TGFBR2: variants seen among roughly 807,000 people sequenced by gnomAD.
The protein encoded by TGFBR2 is TGF-beta receptor type-2.
A neutral mutation model predicts 49.0 loss-of-function variants in TGFBR2; 18 were observed. The observed-to-expected ratio is 0.37, with a 90% CI of 0.25 to 0.54. The LOEUF is 0.54. Ranked by LOEUF, TGFBR2 falls within the 20% of genes least tolerant of loss-of-function variation. The pLI is 0.85. For missense variants in TGFBR2, 525 were observed against 722.6 expected, an observed-to-expected ratio of 0.73 and a Z score of 3.13; for synonymous variants, 282 against 275.9, an observed-to-expected ratio of 1.02 and a Z score of -0.22.
At chr3:30,679,888 G>A (rs993712090) in intron 5 of TGFBR2, among the ~76,000 whole-genome samples, 4 of 152,210 alleles carry the variant, frequency 2.6e-5, no homozygotes, top group Non-Finnish European at 5.9e-5. Flanking sequence ...AGCACTTTGG[G>A]ATGCTGAGGA....
At chr3:30,630,638 C>T (rs892078694) in intron 1 of TGFBR2, among the ~76,000 whole-genome samples, 10 of 152,308 alleles carry the variant, frequency 6.6e-5, no homozygotes, top group African/African-American at 1.2e-4. Flanking sequence ...GCTGATGTCT[C>T]CCCTCCAAAA....
At chr3:30,662,954 T>C (rs1350783) in intron 3 of TGFBR2, among the ~76,000 whole-genome samples, 76,129 of 151,650 alleles carry the variant, frequency 0.5, 19,562 homozygotes, top group African/African-American at 0.56. Flanking sequence ...CTTTTAAATG[T>C]AGATTCTGAT....
intron 1 of TGFBR2, among the ~76,000 whole-genome samples, chr3:30,610,740 C>A (rs1187822567): frequency 6.6e-6 from 1 of 152,180 alleles, no homozygotes; most frequent in Non-Finnish European, 1.5e-5. Flanking sequence ...ATGGTGCCTG[C>A]AACATAGTAA....
At chr3:30,679,448 A>T (rs1699497069) in intron 5 of TGFBR2, among the ~76,000 whole-genome samples, 1 of 152,192 alleles carries the variant, frequency 6.6e-6, no homozygotes, top group South Asian at 2.1e-4. Context: ...ATGATAATAG[A>T]GCTCTTCAAA....
chr3:30,682,436 T>A (rs1252966233), intron 5 of TGFBR2, among the ~76,000 whole-genome samples: 5 of 152,224 alleles, frequency 3.3e-5, no homozygotes, highest in East Asian at 1.9e-4. Context: ...CAATTTTTTT[T>A]AAAAAGGTGG....
chr3:30,635,497 G>C (rs1331267802), intron 1 of TGFBR2, among the ~76,000 whole-genome samples: 1 of 152,176 alleles, frequency 6.6e-6, no homozygotes, highest in Non-Finnish European at 1.5e-5. Context: ...GTGTTAAATA[G>C]GAAAGGATGC....
chr3:30,677,446 T>G (rs1314606851), intron 5 of TGFBR2, among the ~76,000 whole-genome samples: 1 of 152,196 alleles, frequency 6.6e-6, no homozygotes, highest in East Asian at 1.9e-4. Flanking sequence ...CCATCTTTGC[T>G]CGGGCTGCAG....
At chr3:30,678,508 A>G (rs1699479439) in intron 5 of TGFBR2, among the ~76,000 whole-genome samples, 1 of 138,092 alleles carries the variant, frequency 7.2e-6, no homozygotes, top group Non-Finnish European at 1.5e-5. Context: ...AGATCATGCC[A>G]CTGTTCTCCA....
chr3:30,665,919 G>T (rs1699234629), intron 3 of TGFBR2, among the ~76,000 whole-genome samples: 1 of 152,178 alleles, frequency 6.6e-6, no homozygotes, highest in African/African-American at 2.4e-5. Context: ...AAATGAATTT[G>T]TGTTATAGTA....
intron 1 of TGFBR2, among the ~76,000 whole-genome samples, chr3:30,628,504 A>G (rs1698376239): frequency 6.6e-6 from 1 of 150,570 alleles, no homozygotes; most frequent in African/African-American, 2.4e-5. Flanking sequence ...AAAAAAAAAA[A>G]AAAGCCTTTG....
At chr3:30,621,720 A>G (rs541532234) in intron 1 of TGFBR2, among the ~76,000 whole-genome samples, 23 of 152,332 alleles carry the variant, frequency 1.5e-4, no homozygotes, top group African/African-American at 5.5e-4. Context: ...TTTAATGATG[A>G]TGTTGGTGAG....
At chr3:30,685,776 T>G (rs966428086) in intron 5 of TGFBR2, among the ~76,000 whole-genome samples, 2 of 152,200 alleles carry the variant, frequency 1.3e-5, no homozygotes, top group Non-Finnish European at 2.9e-5. Flanking sequence ...GTGTGAGCCC[T>G]TATGAGCCAA....
chr3:30,627,620 C>G (rs1054397297), intron 1 of TGFBR2, among the ~76,000 whole-genome samples: 2 of 151,688 alleles, frequency 1.3e-5, no homozygotes, highest in Admixed American at 6.6e-5. Flanking sequence ...ATAGAACTTT[C>G]TGCAGAGATG....
In TGFBR2 at chr3:30,692,436, G is replaced by A. The variant is rs959297507; in HGVS notation, c.*837G>A. On this transcript the variant is annotated 3_prime_UTR_variant, in exon 7 of 7. Transcript: ENST00000295754. The stretch of plus-strand genomic sequence containing the variant: ...ACCTTCATGGGTTGCAGAAAAATCA[G>A]AACAGATGTCCCCATCCATGCGATT... 2 of 231,798 alleles carry A rather than the reference G, an allele frequency of 8.6e-6. No homozygotes were observed. The highest frequency in any genetic ancestry group is 6.0e-5 in the East Asian group (1 of 16,530). 14.4% of individuals were successfully genotyped at this position (231,798 alleles called of 1,614,324 possible).
intron 3 of TGFBR2, among the ~76,000 whole-genome samples, chr3:30,664,395 C>T (rs1699207249): frequency 6.6e-6 from 1 of 152,136 alleles, no homozygotes; most frequent in Non-Finnish European, 1.5e-5. Context: ...CTGAAAATTT[C>T]CAGTCACTTC....
At chr3:30,633,029 G>A (rs771521628) in intron 1 of TGFBR2, among the ~76,000 whole-genome samples, 2 of 152,146 alleles carry the variant, frequency 1.3e-5, no homozygotes, top group African/African-American at 2.4e-5. Flanking sequence ...AGTCACACCT[G>A]TGTCTTTGCC....
At chr3:30,618,531 C>T (rs940844286) in intron 1 of TGFBR2, among the ~76,000 whole-genome samples, 9 of 149,602 alleles carry the variant, frequency 6.0e-5, no homozygotes, top group Admixed American at 2.7e-4. Flanking sequence ...CCATCGTGTC[C>T]GGCCCCAAGG....
In TGFBR2 at chr3:30,676,258, A is replaced by G. The variant is rs1289247971; in HGVS notation, c.1396+2012A>G. Among the ~76,000 whole-genome samples the G allele has an allele frequency of 6.6e-6, 1 of 152,212 alleles. No individual in the cohort carries two copies. Among genetic ancestry groups the G allele is most frequent in the Admixed American group, 6.5e-5 (1 of 15,284 alleles). On this transcript the variant is annotated intron_variant, in intron 5 of 6. Coordinates refer to ENST00000295754, the MANE Select transcript of TGFBR2 (RefSeq NM_003242.6). This position sits in a 1 kb window ranked among gnomAD's most constrained non-coding sequence, Gnocchi z 4.3. ...TGCTATTTGTCCATTTGTAAGTAAT[A>G]CATGCCTTTGACCTGTTTCTAAAGA...
Position 30,691,569 on chromosome 3 carries a change from T to G in TGFBR2, c.1674T>G (p.Pro558=). The G allele has an allele frequency of 6.2e-7, 1 of 1,614,146 alleles. No individual in the cohort carries two copies. Among genetic ancestry groups the G allele is most frequent in the African/African-American group, 1.3e-5 (1 of 75,036 alleles). The stretch of plus-strand genomic sequence containing the variant: ...GGAGCTGCTCGGAGGAGAAGATTCC[T>G]GAAGACGGCTCCCTAAACACTACCA... ...SGRSCSEEKI[P]EDGSLNTTK Residue 558 remains proline, a synonymous_variant, in exon 7 of 7, where the codon CCT becomes CCG. Transcript: ENST00000295754.
Sources: allele counts gnomAD v4.1 joint callset (sites outside exome capture counted in the v4.1 genomes callset), GRCh38; gene constraint gnomAD v4.1.1; non-coding constraint Gnocchi (gnomAD v3.1); transcripts MANE v1.5; gene names NCBI Gene and HGNC (gene_info 2026-07-23, HGNC 2026-07-21).